The following RGS3 variants were observed in gnomAD, a reference collection of about 807,000 sequenced individuals.
RGS3 encodes the protein regulator of G-protein signalling 3.
Under a neutral mutation model 132.6 loss-of-function variants are expected in RGS3, and 80 were observed. The ratio of observed to expected loss-of-function variants is 0.60; its 90% CI spans 0.50 to 0.73. The LOEUF (loss-of-function observed/expected upper bound fraction) is 0.73. RGS3 is among the 30% of genes least tolerant of loss of function. The pLI is 0.00. For synonymous variants in RGS3, 598 were observed against 620.6 expected (o/e 0.96, Z 0.54); for missense variants, 1,382 against 1,530.8 (o/e 0.90, Z 1.62).
intron 19 of RGS3, among the ~76,000 whole-genome samples, chr9:113,557,317 C>T (rs904510306): frequency 1.3e-5 from 2 of 152,248 alleles, no homozygotes; most frequent in African/African-American, 4.8e-5. Context: ...AGCAGTGCTG[C>T]TGCCAGAAGG....
Position 113,591,224 on chromosome 9 carries a change from G to T in RGS3, c.3016-109G>T. On this transcript the variant is annotated intron_variant, in intron 20 of 24. Coordinates refer to ENST00000350696, the Ensembl canonical transcript of RGS3. The surrounding 1 kb of genome is among the most constrained non-coding windows in gnomAD (Gnocchi z 4.4). ...CCTGTGTGCCGCGGGTGGGGGCTTT[G>T]GGGATGGAAGGGGCTGGTGGCAGGG... is the stretch of plus-strand genomic sequence containing the variant. The T allele has an allele frequency of 1.1e-6, 1 of 951,882 alleles. No homozygotes were observed. Among genetic ancestry groups the T allele is most frequent in the South Asian group, 1.5e-5 (1 of 68,466 alleles). 59.0% of individuals were successfully genotyped at this position (951,882 alleles called of 1,614,324 possible).
intron 19 of RGS3, among the ~76,000 whole-genome samples, chr9:113,544,292 T>C (rs1335714281): frequency 2.0e-4 from 30 of 149,628 alleles, no homozygotes; most frequent in Admixed American, 1.9e-3. Flanking sequence ...TCTGATCCCA[T>C]TTTCATGTTT....
At chr9:113,465,188 G>C (rs974354569) in intron 3 of RGS3, among the ~76,000 whole-genome samples, 2 of 152,176 alleles carry the variant, frequency 1.3e-5, no homozygotes, top group African/African-American at 4.8e-5. Flanking sequence ...AGGATGATCT[G>C]TATTGGCTGG....
Position 113,463,936 on chromosome 9 carries a change from C to G in RGS3, c.415+1735C>G. 6.3e-6 allele frequency: 10 copies of G among 1,584,684 alleles called. No individual in the cohort carries two copies. Among genetic ancestry groups the G allele is most frequent in the Non-Finnish European group, 8.6e-6 (10 of 1,157,900 alleles). On this transcript the variant is annotated intron_variant, in intron 3 of 24. Transcript: ENST00000350696. The surrounding 1 kb of genome is among the most constrained non-coding windows in gnomAD (Gnocchi z 4.6). ...GCTGCTTCACCCTGCTCCCAGCGCC[C>G]AGAAACGCAGCCCCTCGTGGTGACA...
intron 7 of RGS3, among the ~76,000 whole-genome samples, chr9:113,487,888 C>T (rs919870670): frequency 1.3e-5 from 2 of 152,054 alleles, no homozygotes; most frequent in Admixed American, 6.6e-5. Flanking sequence ...TCTTAGGTGC[C>T]GCGTCAGATT....
At chr9:113,529,552 G>C (rs1199354568) in intron 18 of RGS3, among the ~76,000 whole-genome samples, 1 of 152,214 alleles carries the variant, frequency 6.6e-6, no homozygotes, top group Non-Finnish European at 1.5e-5. Flanking sequence ...AATCTCAGTG[G>C]GGGTGTGGCC....
rs1834706765 is a variant in RGS3, at chr9:113,579,849, C to T, written c.2038-3601C>T. Among the ~76,000 whole-genome samples, 1 of 152,212 alleles carries T rather than the reference C, an allele frequency of 6.6e-6. No individual in the cohort carries two copies. Among genetic ancestry groups the T allele is most frequent in the African/African-American group, 2.4e-5 (1 of 41,454 alleles). On this transcript the variant is annotated intron_variant, in intron 19 of 24. Coordinates refer to ENST00000350696, the Ensembl canonical transcript of RGS3. This position sits in a 1 kb window ranked among gnomAD's most constrained non-coding sequence, Gnocchi z 4.3. The stretch of plus-strand genomic sequence containing the variant: ...TCCTCCCTGCCATCCACACATCCTG[C>T]CCACATTCCCCAGAGCAGCTTTGAC...
At chr9:113,593,698 C>T (rs1008908842) in intron 21 of RGS3, 17 of 575,494 alleles carry the variant, frequency 3.0e-5, no homozygotes, top group African/African-American at 2.1e-4. Context: ...AAAAGAGGGG[C>T]GAACATGAGC....
rs540165383 is a variant in RGS3 at position 113,529,390 on chromosome 9, G to A, written c.1914+126G>A. 646 of 847,098 alleles carry A rather than the reference G, an allele frequency of 7.6e-4. 1 individual carries two copies. Among genetic ancestry groups the A allele is most frequent in the South Asian group, 1.1e-3 (76 of 70,364 alleles). The allele number at this position is 847,098 out of a possible 1,614,324, so 52.5% of individuals were successfully genotyped here. A position where few individuals can be genotyped will look rare whatever the true frequency, so the allele number is the denominator to read the frequency against. ...CATACCCACTCATGCCGAAGTCCTG[G>A]GCAAGGCCAGAGTAGCGGTTTTTTG... On this transcript the variant is annotated intron_variant, in intron 18 of 24. Transcript: ENST00000350696.
chr9:113,583,539 G>A, exon 20 of RGS3: 1 of 1,614,202 alleles, frequency 6.2e-7, no homozygotes, highest in Non-Finnish European at 8.5e-7. Context: ...CCAGCAAGGA[G>A]CCCTCTCCTG....
At chr9:113,495,954 G>A in intron 8 of RGS3, 108 bp downstream of exon 6, 1 of 965,468 alleles carries the variant, frequency 1.0e-6, no homozygotes, top group Non-Finnish European at 1.7e-6. Flanking sequence ...GTGAGATGGT[G>A]CCCCACTGAG....
At chr9:113,496,697 T>C (rs910664206) in intron 8 of RGS3, among the ~76,000 whole-genome samples, 3 of 152,066 alleles carry the variant, frequency 2.0e-5, no homozygotes, top group Non-Finnish European at 4.4e-5. Context: ...ATTATAGGCA[T>C]CTGCCACCAC....
chr9:113,505,432 T>C lies in RGS3; in HGVS notation c.898-10T>C. 7 of 1,613,874 alleles carry C rather than the reference T, an allele frequency of 4.3e-6. No individual in the cohort carries two copies. In the East Asian group the frequency reaches 1.3e-4, roughly 31 times the overall value. ...GCTTCTGGCAGTGACCGGGCAGGGC[T>C]GTGTCCTAGATCACCATCCCGAGGG... On this transcript the variant is annotated splice_polypyrimidine_tract_variant and intron_variant, in intron 10 of 24. Transcript: ENST00000350696.
At chr9:113,472,641 C>T (rs1166493714) in intron 3 of RGS3, among the ~76,000 whole-genome samples, 3 of 151,998 alleles carry the variant, frequency 2.0e-5, no homozygotes, top group Admixed American at 6.6e-5. Context: ...GGTGTGACTG[C>T]GAAAGAGTAT....
At chr9:113,513,823 G>C (rs1289066360) in intron 14 of RGS3, among the ~76,000 whole-genome samples, 1 of 152,204 alleles carries the variant, frequency 6.6e-6, no homozygotes, top group Non-Finnish European at 1.5e-5. Flanking sequence ...GGCTGCTCTA[G>C]CTCCCTTGGC....
rs1463445247 is a variant in RGS3, at chr9:113,537,447, C to G, written c.2037+529C>G. On this transcript the variant is annotated intron_variant, in intron 19 of 24. Transcript: ENST00000350696. This position sits in a 1 kb window ranked among gnomAD's most constrained non-coding sequence, Gnocchi z 4.3. ...GGAGCACCGGGGAAGATTAGAGACT[C>G]CCAGGGGAGGCTGTTCTGGGCTGGG... Among the ~76,000 whole-genome samples the G allele has an allele frequency of 6.6e-6, 1 of 152,148 alleles. No individual in the cohort carries two copies. Among genetic ancestry groups the G allele is most frequent in the Non-Finnish European group, 1.5e-5 (1 of 68,010 alleles).
intron 1 of RGS3, among the ~76,000 whole-genome samples, chr9:113,455,233 TG>T (rs1346835827): frequency 1.2e-4 from 19 of 152,254 alleles, no homozygotes; most frequent in Non-Finnish European, 1.9e-4. Flanking sequence ...TCATATATTT[TG>T]TCCAGTCTTT....
intron 14 of RGS3, among the ~76,000 whole-genome samples, chr9:113,510,675 A>G (rs1184211484): frequency 6.6e-6 from 1 of 152,104 alleles, no homozygotes; most frequent in Non-Finnish European, 1.5e-5. Context: ...CCCCTCTGAG[A>G]GTATAATACA....
intron 14 of RGS3, among the ~76,000 whole-genome samples, 155 bp from the exon 13 acceptor site, chr9:113,514,303 C>T (rs1335808015): frequency 1.3e-5 from 2 of 152,150 alleles, no homozygotes; most frequent in African/African-American, 4.8e-5. Context: ...TGTGAAGCCT[C>T]CCTGTGTTTC....
Sources: gnomAD v4.1 joint callset for allele counts (sites outside exome capture counted in the v4.1 genomes callset) on GRCh38, gnomAD v4.1.1 for gene constraint, Gnocchi (gnomAD v3.1) non-coding constraint, MANE v1.5 for transcripts, NCBI Gene and HGNC (gene_info 2026-07-23, HGNC 2026-07-21) for gene names.